Variants in ARMC9 observed in about 807,000 individuals in gnomAD.
ARMC9 encodes armadillo repeat containing 9, also known as lisH domain-containing protein ARMC9.
A neutral mutation model predicts 107.0 loss-of-function variants in ARMC9; 94 were observed. That is an observed-to-expected ratio of 0.88 (90% CI 0.74 to 1.04). The LOEUF (loss-of-function observed/expected upper bound fraction) is 1.04, where lower values mean the gene tolerates loss of function less well. ARMC9 is among the 50% of genes least tolerant of loss of function. ARMC9 has a pLI of 0.00. For missense variants in ARMC9, 942 were observed against 1,030.1 expected, an observed-to-expected ratio of 0.91 and a Z score of 1.17; for synonymous variants, 380 against 396.9, an observed-to-expected ratio of 0.96 and a Z score of 0.51.
At chr2:231,288,197 G>A (rs142983446) in intron 17 of ARMC9, among the ~76,000 whole-genome samples, 95 of 152,290 alleles carry the variant, frequency 6.2e-4, no homozygotes, top group African/African-American at 2.2e-3. Context: ...CTATGAAAAT[G>A]TAGTTTATAA....
At position 231,295,781 on chromosome 2, in the gene ARMC9, C is replaced by T. The variant is rs543512284; in HGVS notation, c.1718-417C>T. The T allele has an allele frequency of 4.1e-4, 63 of 153,550 alleles. No homozygotes were observed. In the South Asian group the frequency reaches 0.012, roughly 30 times the overall value. The allele number at this position is 153,550 out of a possible 1,614,324, so 9.5% of individuals were successfully genotyped here. A position where few individuals can be genotyped will look rare whatever the true frequency, so the allele number is the denominator to read the frequency against. On this transcript the variant is annotated intron_variant, in intron 18 of 24. Transcript: ENST00000611582. ...TGCCTGCCACTTACTGGAAGTGAGACCAAGAAGTCTCTCTTTCCTCTCTGT... is the reference window on the plus strand; with the variant it reads ...TGCCTGCCACTTACTGGAAGTGAGATCAAGAAGTCTCTCTTTCCTCTCTGT...
At chr2:231,288,870 T>C in intron 17 of ARMC9, 1 of 361,344 alleles carries the variant, frequency 2.8e-6, no homozygotes, top group Non-Finnish European at 5.6e-6. Flanking sequence ...TTGTTTTCTT[T>C]AACACTATAT....
intron 22 of ARMC9, among the ~76,000 whole-genome samples, chr2:231,357,086 T>C (rs574917596): frequency 1.3e-5 from 2 of 152,258 alleles, no homozygotes; most frequent in East Asian, 3.9e-4. Flanking sequence ...GAGGTTGGCA[T>C]GGATGGAAAT....
chr2:231,285,557 A>G (rs891782297), intron 17 of ARMC9, among the ~76,000 whole-genome samples: 1 of 151,886 alleles, frequency 6.6e-6, no homozygotes, highest in African/African-American at 2.4e-5. Context: ...GAGGCAGGAG[A>G]ATCGCTTGAA....
chr2:231,215,131 C>G, intron 4 of ARMC9, 130 bp downstream of exon 4: 1 of 1,011,812 alleles, frequency 9.9e-7, no homozygotes, highest in Non-Finnish European at 1.4e-6. Flanking sequence ...TACAGGCATC[C>G]TCTCTCCTGG....
chr2:231,296,438 G>A (rs114431183), intron 19 of ARMC9, among the ~76,000 whole-genome samples, 185 bp downstream of exon 19: 6 of 152,324 alleles, frequency 3.9e-5, no homozygotes, highest in Non-Finnish European at 8.8e-5. Context: ...CTCATGTGGG[G>A]AGCCCAGCGG....
intron 17 of ARMC9, among the ~76,000 whole-genome samples, chr2:231,285,560 C>T (rs1007080213): frequency 7.3e-5 from 11 of 150,638 alleles, no homozygotes; most frequent in Non-Finnish European, 1.6e-4. Flanking sequence ...GCAGGAGAAT[C>T]GCTTGAACCC....
intron 22 of ARMC9, among the ~76,000 whole-genome samples, chr2:231,357,518 C>T (rs1249848215): frequency 6.6e-6 from 1 of 152,208 alleles, no homozygotes; most frequent in Non-Finnish European, 1.5e-5. Flanking sequence ...CTGGCCCTGC[C>T]AGGCCCGCTC....
intron 24 of ARMC9, chr2:231,371,159 A>C: frequency 1.9e-6 from 1 of 535,192 alleles, no homozygotes; most frequent in Non-Finnish European, 3.6e-6. Flanking sequence ...AGGGATCCCC[A>C]GTCATAGCAA....
chr2:231,280,877 C>T (rs192849119), intron 16 of ARMC9, among the ~76,000 whole-genome samples: 12 of 152,260 alleles, frequency 7.9e-5, no homozygotes, highest in East Asian at 3.9e-4. Context: ...GATGTTCAGT[C>T]GTGCTAGTTC....
At chr2:231,256,551 A>G in intron 9 of ARMC9, 35 bp from the exon 10 acceptor site, 1 of 1,610,896 alleles carries the variant, frequency 6.2e-7, no homozygotes, top group Non-Finnish European at 8.5e-7. Context: ...TCAGTGTTTA[A>G]CACCATCTGT....
At chr2:231,286,669 C>T (rs1468154798) in intron 17 of ARMC9, among the ~76,000 whole-genome samples, 1 of 151,976 alleles carries the variant, frequency 6.6e-6, no homozygotes, top group African/African-American at 2.4e-5. Flanking sequence ...ATATTAATAT[C>T]TATTGAAGAT....
intron 3 of ARMC9, 69 bp downstream of exon 3, chr2:231,208,321 T>C (rs553357889): frequency 1.9e-4 from 239 of 1,238,458 alleles, no homozygotes; most frequent in Non-Finnish European, 2.5e-4. Context: ...AAAATGCTGC[T>C]GTTGGATAGT....
At chr2:231,292,675 C>T (rs1438856902) in intron 18 of ARMC9, among the ~76,000 whole-genome samples, 4 of 152,192 alleles carry the variant, frequency 2.6e-5, no homozygotes, top group Admixed American at 6.5e-5. Flanking sequence ...TGCTGGAATC[C>T]GGGGCCAGGT....
At chr2:231,308,987 T>G (rs966132430) in intron 19 of ARMC9, among the ~76,000 whole-genome samples, 1 of 152,236 alleles carries the variant, frequency 6.6e-6, no homozygotes, top group Non-Finnish European at 1.5e-5. Context: ...AGTAAAGAAG[T>G]GTCTGTCTTA....
chr2:231,280,516 T>C (rs2040132338), intron 16 of ARMC9, among the ~76,000 whole-genome samples: 1 of 152,006 alleles, frequency 6.6e-6, no homozygotes, highest in South Asian at 2.1e-4. Flanking sequence ...GACATATATA[T>C]ATACATATAT....
At chr2:231,216,335 G>A (rs1354061457) in intron 4 of ARMC9, among the ~76,000 whole-genome samples, 1 of 152,174 alleles carries the variant, frequency 6.6e-6, no homozygotes, top group Non-Finnish European at 1.5e-5. Flanking sequence ...GACAACATGA[G>A]GTTTTGTCCT....
At chr2:231,348,198 A>G (rs1325630900) in intron 21 of ARMC9, among the ~76,000 whole-genome samples, 1 of 152,266 alleles carries the variant, frequency 6.6e-6, no homozygotes, top group Non-Finnish European at 1.5e-5. Flanking sequence ...GGGTGGACCC[A>G]ATGTAATCAC....
At chr2:231,227,417 T>A (rs1369898480) in intron 7 of ARMC9, among the ~76,000 whole-genome samples, 1 of 152,226 alleles carries the variant, frequency 6.6e-6, no homozygotes, top group African/African-American at 2.4e-5. Flanking sequence ...TGACAGCTGC[T>A]TAAATGATGA....
Sources: allele counts gnomAD v4.1 joint callset (sites outside exome capture counted in the v4.1 genomes callset), GRCh38; gene constraint gnomAD v4.1.1; transcripts MANE v1.5; gene names NCBI Gene and HGNC (gene_info 2026-07-23, HGNC 2026-07-21).